Variants in CACNA2D2 observed in about 807,000 individuals in gnomAD.
The protein encoded by CACNA2D2 is voltage-dependent calcium channel subunit alpha-2/delta-2.
CACNA2D2 carries 48 observed loss-of-function variants against 166.4 expected under a neutral mutation model. That is an observed-to-expected ratio of 0.29 (90% CI 0.23 to 0.37). The LOEUF is 0.37. Ranked by LOEUF, CACNA2D2 falls within the 10% of genes least tolerant of loss-of-function variation. CACNA2D2 has a pLI of 1.00. For missense variants in CACNA2D2, 1,122 were observed against 1,433.0 expected (o/e 0.78, Z 3.50); for synonymous variants, 561 against 573.7 (o/e 0.98, Z 0.32).
At chr3:50,419,649 G>A (rs1244359059) in intron 3 of CACNA2D2, 1 of 152,194 alleles carries the variant, frequency 6.6e-6, no homozygotes, top group Non-Finnish European at 1.5e-5. Flanking sequence ...CCTGTTTAAT[G>A]GGCACATGCT....
In CACNA2D2 at chr3:50,480,301, A is replaced by G. The variant is rs544097699; in HGVS notation, c.207-4102T>C. Among the ~76,000 whole-genome samples, 9 of 152,292 alleles carry G rather than the reference A, an allele frequency of 5.9e-5. No individual in the cohort carries two copies. In the South Asian group the frequency reaches 1.2e-3, roughly 21 times the overall value. On this transcript the variant is annotated intron_variant, in intron 1 of 37. Coordinates refer to ENST00000424201, the MANE Select transcript of CACNA2D2 (RefSeq NM_006030.4). Reference sequence around the variant, plus strand: ...TGTCCCTCAGAACCTCAGCTTTTCCATCGGTAAACAGGGGTAATAATGACT... The same window carrying G: ...TGTCCCTCAGAACCTCAGCTTTTCCGTCGGTAAACAGGGGTAATAATGACT...
chr3:50,420,862 C>T (rs1222418800), intron 3 of CACNA2D2, among the ~76,000 whole-genome samples: 1 of 152,150 alleles, frequency 6.6e-6, no homozygotes, highest in Non-Finnish European at 1.5e-5. Context: ...ACACACATGC[C>T]CTCATGTGCC....
At position 50,375,990 on chromosome 3, in the gene CACNA2D2, C is replaced by T. The variant is rs373700024; in HGVS notation, c.1746G>A (p.Ala582=). 51 of 1,613,260 alleles carry T rather than the reference C, an allele frequency of 3.2e-5. No homozygotes were observed. Among genetic ancestry groups the T allele is most frequent in the Admixed American group, 1.3e-4 (8 of 59,994 alleles). The change falls in exon 19 of 38, where the codon GCG becomes GCA. Residue 582 remains alanine, a synonymous_variant. Coordinates refer to ENST00000424201, the MANE Select transcript of CACNA2D2 (RefSeq NM_006030.4). The surrounding 1 kb of genome is among the most constrained non-coding windows in gnomAD (Gnocchi z 4.0). Reference sequence around the variant, plus strand: ...CTTCCTTGTTCTCATCCTCTAGCTCCGCATCCAGGAAGTCCAGAGTCACAG... The same window carrying T: ...CTTCCTTGTTCTCATCCTCTAGCTCTGCATCCAGGAAGTCCAGAGTCACAG... The part of the protein sequence containing the change: ...REPVTLDFLD[A]ELEDENKEEI...
intron 3 of CACNA2D2, among the ~76,000 whole-genome samples, chr3:50,398,256 C>T (rs1380883800): frequency 6.6e-6 from 1 of 152,080 alleles, no homozygotes; most frequent in Non-Finnish European, 1.5e-5. Flanking sequence ...GGGCTCTGGG[C>T]TCTGCTCCTG....
chr3:50,379,296 C>G lies in CACNA2D2; in HGVS notation c.1153-97G>C. 2.1e-6 allele frequency: 3 copies of G among 1,441,888 alleles called. No homozygotes were observed. Among genetic ancestry groups the G allele is most frequent in the Non-Finnish European group, 2.9e-6 (3 of 1,034,006 alleles). 89.3% of individuals were successfully genotyped at this position (1,441,888 alleles called of 1,614,324 possible). A position where few individuals can be genotyped will look rare whatever the true frequency, so the allele number is the denominator to read the frequency against. ...GTGGGCCTGGACCTCTGGCCCTCCT[C>G]CCCCACAGCAGATGGAGCTATCTGT... On this transcript the variant is annotated intron_variant, in intron 11 of 37. Transcript: ENST00000424201. The surrounding 1 kb of genome is among the most constrained non-coding windows in gnomAD (Gnocchi z 6.5).
At chr3:50,453,686 CTCACGACT>C (rs562066090) in intron 2 of CACNA2D2, among the ~76,000 whole-genome samples, 68 of 152,350 alleles carry the variant, frequency 4.5e-4, no homozygotes, top group Admixed American at 2.6e-3. Context: ...GACCACCATC[CTCACGACT>C]TCTGGCAAAG....
intron 3 of CACNA2D2, among the ~76,000 whole-genome samples, chr3:50,396,185 TCA>T (rs1706140954): frequency 6.6e-6 from 1 of 151,872 alleles, no homozygotes; most frequent in South Asian, 2.1e-4. Flanking sequence ...CCACCTGAGC[TCA>T]GAGTGCCCCT....
chr3:50,473,308 C>T (rs1477583477), intron 2 of CACNA2D2, among the ~76,000 whole-genome samples: 3 of 152,264 alleles, frequency 2.0e-5, no homozygotes, highest in Admixed American at 6.5e-5. Context: ...CATCCCCAAA[C>T]GCTACTGTCT....
rs542319356 is a variant in CACNA2D2 at position 50,474,118 on chromosome 3, G to A, written c.288+2000C>T. Among the ~76,000 whole-genome samples the A allele has an allele frequency of 6.6e-5, 10 of 152,290 alleles. No individual in the cohort carries two copies. In the South Asian group the frequency reaches 2.1e-3, roughly 32 times the overall value. Reference sequence around the variant, plus strand: ...AGCTGCACGTTGGAACAGGAGTCAGGAGCCCTGGGTCCATGCCCCAGCTCT... The same window carrying A: ...AGCTGCACGTTGGAACAGGAGTCAGAAGCCCTGGGTCCATGCCCCAGCTCT... On this transcript the variant is annotated intron_variant, in intron 2 of 37. Transcript: ENST00000424201.
At chr3:50,444,217 A>G (rs1435920888) in intron 2 of CACNA2D2, among the ~76,000 whole-genome samples, 1 of 152,132 alleles carries the variant, frequency 6.6e-6, no homozygotes, top group African/African-American at 2.4e-5. Flanking sequence ...GGGGGTGGAG[A>G]TGACTGTAAC....
In CACNA2D2 at chr3:50,379,030, G is replaced by C; in HGVS notation, c.1261-37C>G. 6.2e-7 allele frequency: 1 copy of C among 1,613,804 alleles called. No individual in the cohort carries two copies. Among genetic ancestry groups the C allele is most frequent in the Non-Finnish European group, 8.5e-7 (1 of 1,179,910 alleles). ...TTGAGGTTACTGCTGTGGCCACCAG[G>C]GGACAGCCCTCTTCTGTACTGGGCC... On this transcript the variant is annotated intron_variant, in intron 12 of 37. Transcript: ENST00000424201. The surrounding 1 kb of genome is among the most constrained non-coding windows in gnomAD (Gnocchi z 6.5).
chr3:50,384,707 C>G lies in CACNA2D2; in HGVS notation c.511-370G>C, dbSNP rs587618551. Among the ~76,000 whole-genome samples the G allele has an allele frequency of 2.0e-5, 3 of 152,360 alleles. No homozygotes were observed. The East Asian group carries it at 5.8e-4, about 29-fold the overall frequency. ...GGAGCAGGCTCCAGAATTCTGCTTA[C>G]AAGGATGTGCTTGTGCAATCACAGG... is the stretch of plus-strand genomic sequence containing the variant. On this transcript the variant is annotated intron_variant, in intron 5 of 37. Coordinates refer to ENST00000424201, the MANE Select transcript of CACNA2D2 (RefSeq NM_006030.4).
chr3:50,396,068 G>A (rs909383287), intron 3 of CACNA2D2, among the ~76,000 whole-genome samples: 1 of 152,066 alleles, frequency 6.6e-6, no homozygotes, highest in South Asian at 2.1e-4. Context: ...CACACTCCTA[G>A]GGTTTTGGGG....
intron 15 of CACNA2D2, 64 bp downstream of exon 15, chr3:50,377,944 C>T: frequency 1.3e-6 from 2 of 1,561,318 alleles, no homozygotes; most frequent in Non-Finnish European, 1.8e-6. Flanking sequence ...AGGGTCTTGA[C>T]CCTGTGGGCA....
chr3:50,423,067 AG>A (rs1707650478), intron 3 of CACNA2D2, among the ~76,000 whole-genome samples: 1 of 152,114 alleles, frequency 6.6e-6, no homozygotes, highest in East Asian at 1.9e-4. Flanking sequence ...CCTCAGTGCC[AG>A]TCACCAACCA....
rs774552132 is a variant in CACNA2D2, at chr3:50,367,029, G to A, written c.2482C>T (p.Arg828Cys). The change falls in exon 28 of 38, where the codon CGC becomes TGC. Residue 828 changes from arginine to cysteine, a missense_variant. Arg to Cys is a radical substitution (Grantham distance 180). Transcript: ENST00000424201. This position sits in a 1 kb window ranked among gnomAD's most constrained non-coding sequence, Gnocchi z 6.5. ...STAVELSLGR[R>C]TLRPAVVGVK... ...CATTCACCTGCTGGCCTCAGTGTGCGCCTGCCTAGGCTGAGCTCCACAGCT... is the reference window on the plus strand; with the variant it reads ...CATTCACCTGCTGGCCTCAGTGTGCACCTGCCTAGGCTGAGCTCCACAGCT... 83 of 1,613,566 alleles carry A rather than the reference G, an allele frequency of 5.1e-5. No individual in the cohort carries two copies. The highest frequency in any genetic ancestry group is 6.5e-5 in the Non-Finnish European group (77 of 1,179,942).
intron 1 of CACNA2D2, among the ~76,000 whole-genome samples, chr3:50,483,325 G>A (rs1698134595): frequency 6.6e-6 from 1 of 152,210 alleles, no homozygotes. Flanking sequence ...ACCCTGAGGA[G>A]CTGGGGAGGG....
intron 3 of CACNA2D2, among the ~76,000 whole-genome samples, chr3:50,428,077 C>T (rs1707886294): frequency 1.3e-5 from 2 of 152,198 alleles, no homozygotes; most frequent in African/African-American, 4.8e-5. Context: ...CTCATGGCTG[C>T]ATCTCTGTCC....
rs1328196715 is a variant in CACNA2D2 at position 50,376,626 on chromosome 3, GGCTTCCCTTCCAGGTGGAA to G, written c.1627-457_1627-439del. Among the ~76,000 whole-genome samples, 2 of 152,138 alleles carry G rather than the reference GGCTTCCCTTCCAGGTGGAA, an allele frequency of 1.3e-5. No homozygotes were observed. The highest frequency in any genetic ancestry group is 2.9e-5 in the Non-Finnish European group (2 of 68,004). ...GTGGACCCTTCGGAATCCTACCTGG[GGCTTCCCTTCCAGGTGGAA>G]GGGAAGTAGGAGTAAGTGGGACCTG... On this transcript the variant is annotated intron_variant, in intron 17 of 37. Transcript: ENST00000424201. The surrounding 1 kb of genome is among the most constrained non-coding windows in gnomAD (Gnocchi z 4.3).
Sources: allele counts gnomAD v4.1 joint callset (sites outside exome capture counted in the v4.1 genomes callset), GRCh38; gene constraint gnomAD v4.1.1; non-coding constraint Gnocchi (gnomAD v3.1); transcripts MANE v1.5; gene names NCBI Gene and HGNC (gene_info 2026-07-23, HGNC 2026-07-21).